The following TBX20 variants were observed in gnomAD, a reference collection of about 807,000 sequenced individuals.
TBX20 encodes the protein T-box transcription factor 20, also known as T-box transcription factor TBX20.
Under a neutral mutation model 42.9 loss-of-function variants are expected in TBX20, and 8 were observed. The observed-to-expected ratio is 0.19, with a 90% CI of 0.11 to 0.34. TBX20 has a LOEUF of 0.34. Ranked by LOEUF, TBX20 falls within the 10% of genes least tolerant of loss-of-function variation. The pLI, the probability that TBX20 is intolerant of heterozygous loss-of-function variation, is 1.00. For synonymous variants in TBX20, 198 were observed against 222.8 expected (o/e 0.89, Z 0.99); for missense variants, 411 against 566.0 (o/e 0.73, Z 2.78).
intron 6 of TBX20, among the ~76,000 whole-genome samples, chr7:35,214,845 T>C (rs1789554889): frequency 6.6e-6 from 1 of 152,212 alleles, no homozygotes. Flanking sequence ...GCAAAAGAAC[T>C]TGTTTCAATA....
intron 5 of TBX20, among the ~76,000 whole-genome samples, chr7:35,239,825 C>T (rs1790040093): frequency 6.6e-6 from 1 of 151,878 alleles, no homozygotes. Context: ...GATCTCTGCT[C>T]ACTGCAACCC....
chr7:35,235,639 T>C (rs1178125545), intron 5 of TBX20, among the ~76,000 whole-genome samples: 2 of 152,224 alleles, frequency 1.3e-5, no homozygotes, highest in African/African-American at 4.8e-5. Flanking sequence ...TATATCCAAG[T>C]TACTAATTCA....
At chr7:35,243,411 C>T (rs527721691) in intron 4 of TBX20, among the ~76,000 whole-genome samples, 2 of 152,276 alleles carry the variant, frequency 1.3e-5, no homozygotes, top group Non-Finnish European at 2.9e-5. Context: ...AGAGCTATTA[C>T]TACCCAACGA....
At position 35,249,981 on chromosome 7, in the gene TBX20, C is replaced by A. The variant is rs138597530; in HGVS notation, c.350G>T (p.Gly117Val). Residue 117 changes from glycine (G) to valine (V), a missense_variant, in exon 2 of 8, where the codon GGC (glycine) becomes GTC (valine). Physicochemically the swap from Gly to Val is moderately radical, Grantham distance 109 (BLOSUM62 -3). Transcript: ENST00000408931. The surrounding 1 kb of genome is among the most constrained non-coding windows in gnomAD (Gnocchi z 4.3). ...KELWDKFHEL[G>V]TEMIITKSGR... ...CGACTTGGTGATGATCATCTCGGTG[C>A]CCAGCTCATGGAATTTGTCCCAAAG... 2.4e-5 allele frequency: 38 copies of A among 1,610,020 alleles called. No homozygotes were observed. The highest frequency in any genetic ancestry group is 8.4e-5 in the Admixed American group (5 of 59,778).
chr7:35,250,581 T>C (rs1562568309), intron 1 of TBX20, among the ~76,000 whole-genome samples: 1 of 152,248 alleles, frequency 6.6e-6, no homozygotes, highest in African/African-American at 2.4e-5. Flanking sequence ...ATGGAACTGA[T>C]GCCAGTCCTG....
intron 6 of TBX20, among the ~76,000 whole-genome samples, chr7:35,230,629 G>T (rs748591318): frequency 2.0e-5 from 3 of 152,106 alleles, no homozygotes; most frequent in Non-Finnish European, 2.9e-5. Flanking sequence ...TTAGACAGAA[G>T]TGCTGAGGTC....
intron 5 of TBX20, among the ~76,000 whole-genome samples, chr7:35,238,363 T>C (rs1437447333): frequency 2.0e-5 from 3 of 152,142 alleles, no homozygotes; most frequent in African/African-American, 7.2e-5. Context: ...TTCATCTCTA[T>C]AATTTTCACT....
At chr7:35,220,274 G>A (rs1454206389) in intron 6 of TBX20, among the ~76,000 whole-genome samples, 2 of 152,182 alleles carry the variant, frequency 1.3e-5, no homozygotes, top group African/African-American at 4.8e-5. Flanking sequence ...AGTTCTTTGG[G>A]GAACAGGTTG....
intron 6 of TBX20, among the ~76,000 whole-genome samples, chr7:35,224,387 G>A (rs1275027390): frequency 6.6e-6 from 1 of 152,186 alleles, no homozygotes; most frequent in East Asian, 1.9e-4. Flanking sequence ...ATCCAGGCAG[G>A]AGGGCTGGGC....
At chr7:35,207,212 T>C (rs1038912353) in intron 6 of TBX20, among the ~76,000 whole-genome samples, 23 of 152,336 alleles carry the variant, frequency 1.5e-4, no homozygotes, top group African/African-American at 5.3e-4. Flanking sequence ...TATTGTAATA[T>C]GCATGTGCTG....
At position 35,207,064 on chromosome 7, in the gene TBX20, A is replaced by G. The variant is rs376300479; in HGVS notation, c.891-2482T>C. Among the ~76,000 whole-genome samples the G allele has an allele frequency of 5.4e-3, 816 of 152,334 alleles. 7 individuals are homozygous for G. The highest frequency in any genetic ancestry group is 9.1e-3 in the South Asian group (44 of 4,818). ...AGGATGAAATGACTAAATTGCATAT[A>G]TGTGCAATTTTTAAAGAAACTGCCA... On this transcript the variant is annotated intron_variant, in intron 6 of 7. Coordinates refer to ENST00000408931, the MANE Select transcript of TBX20 (RefSeq NM_001077653.2).
chr7:35,245,868 C>A (rs1273309319), intron 3 of TBX20, among the ~76,000 whole-genome samples: 5 of 152,168 alleles, frequency 3.3e-5, no homozygotes. Flanking sequence ...AAGTCCCCAT[C>A]CTGGTATCTT....
chr7:35,209,189 G>C (rs1789452846), intron 6 of TBX20, among the ~76,000 whole-genome samples: 1 of 151,912 alleles, frequency 6.6e-6, no homozygotes, highest in South Asian at 2.1e-4. Context: ...TCAAGATAAG[G>C]CTAGTCTCAT....
chr7:35,230,827 T>G (rs1464125526), intron 6 of TBX20, among the ~76,000 whole-genome samples: 2 of 152,196 alleles, frequency 1.3e-5, no homozygotes, highest in African/African-American at 4.8e-5. Flanking sequence ...TCAATTAGGT[T>G]TAAAAATCTT....
chr7:35,241,545 T>G (rs1790081848), intron 4 of TBX20, among the ~76,000 whole-genome samples: 1 of 152,224 alleles, frequency 6.6e-6, no homozygotes, highest in South Asian at 2.1e-4. Context: ...CTTAGCCAGG[T>G]GATCTCATCT....
At chr7:35,247,407 G>A (rs2128715743) in intron 3 of TBX20, among the ~76,000 whole-genome samples, 1 of 151,874 alleles carries the variant, frequency 6.6e-6, no homozygotes, top group Non-Finnish European at 1.5e-5. Flanking sequence ...GATTTTCTTA[G>A]TCTTGACTGT....
intron 5 of TBX20, among the ~76,000 whole-genome samples, chr7:35,234,203 C>T (rs955468460): frequency 6.6e-6 from 1 of 152,144 alleles, no homozygotes; most frequent in African/African-American, 2.4e-5. Flanking sequence ...TGAGTCTTTA[C>T]AAATGAAAAG....
intron 1 of TBX20, 31 bp downstream of exon 1, chr7:35,253,463 C>G: frequency 6.3e-7 from 1 of 1,598,940 alleles, no homozygotes; most frequent in Non-Finnish European, 8.5e-7. Context: ...CATCCCCAGT[C>G]CTCGGCGGAC....
chr7:35,225,678 T>C (rs1789757901), intron 6 of TBX20, among the ~76,000 whole-genome samples: 1 of 152,226 alleles, frequency 6.6e-6, no homozygotes, highest in Non-Finnish European at 1.5e-5. Context: ...AATATGTGTC[T>C]TTGAATACTG....
Sources: gnomAD v4.1 joint callset for allele counts (sites outside exome capture counted in the v4.1 genomes callset) on GRCh38, gnomAD v4.1.1 for gene constraint, Gnocchi (gnomAD v3.1) non-coding constraint, MANE v1.5 for transcripts, NCBI Gene and HGNC (gene_info 2026-07-23, HGNC 2026-07-21) for gene names.